The following EDAR variants were observed in gnomAD, a reference collection of about 807,000 sequenced individuals.
EDAR encodes ectodysplasin A receptor.
Under a neutral mutation model 51.3 loss-of-function variants are expected in EDAR, and 38 were observed. The ratio of observed to expected loss-of-function variants is 0.74; its 90% CI spans 0.57 to 0.97. The LOEUF (loss-of-function observed/expected upper bound fraction) is 0.97. EDAR is among the 50% of genes least tolerant of loss of function. The pLI, the probability that EDAR is intolerant of heterozygous loss-of-function variation, is 0.00. For missense variants in EDAR, 528 were observed against 595.0 expected, an observed-to-expected ratio of 0.89 and a Z score of 1.17; for synonymous variants, 227 against 242.1, an observed-to-expected ratio of 0.94 and a Z score of 0.58.
chr2:108,907,318 A>C (rs1427785964), intron 10 of EDAR, among the ~76,000 whole-genome samples: 1 of 151,852 alleles, frequency 6.6e-6, no homozygotes, highest in Admixed American at 6.6e-5. Flanking sequence ...CTCCTTGCTT[A>C]TTATTTTTCG....
At chr2:108,941,157 A>G (rs372769051) in intron 1 of EDAR, among the ~76,000 whole-genome samples, 19 of 152,328 alleles carry the variant, frequency 1.2e-4, no homozygotes, top group Admixed American at 2.0e-4. Context: ...GCGTTGTGGG[A>G]ATTAGGACTT....
intron 1 of EDAR, among the ~76,000 whole-genome samples, chr2:108,977,480 C>T (rs1351123847): frequency 3.3e-5 from 5 of 152,158 alleles, no homozygotes; most frequent in Non-Finnish European, 7.3e-5. Context: ...CTGTGTTCGC[C>T]AGGATGGTCT....
chr2:108,934,223 C>G (rs1697425132), intron 1 of EDAR, among the ~76,000 whole-genome samples: 2 of 152,156 alleles, frequency 1.3e-5, no homozygotes, highest in Non-Finnish European at 2.9e-5. Context: ...TACCAATTCT[C>G]TGAGAGGGTG....
In EDAR at chr2:108,928,971, C is replaced by A. The variant is rs899260; in HGVS notation, c.356+227G>T. Among the ~76,000 whole-genome samples the A allele has an allele frequency of 4.7e-3, 723 of 152,292 alleles. 6 individuals carry two copies. The highest frequency in any genetic ancestry group is 0.016 in the African/African-American group (673 of 41,558). ...CAGAAGATATTATGATGGTTAATGG[C>A]CACTTAGGAGACACAGAGGCAGAGC... On this transcript the variant is annotated intron_variant, in intron 4 of 11. Coordinates refer to ENST00000258443, the MANE Select transcript of EDAR (RefSeq NM_022336.4).
At chr2:108,929,106 C>T in intron 4 of EDAR, 92 bp downstream of exon 4, 1 of 1,457,306 alleles carries the variant, frequency 6.9e-7, no homozygotes, top group Non-Finnish European at 9.5e-7. Context: ...CCTGCAGTAT[C>T]CATGACCCCT....
intron 11 of EDAR, among the ~76,000 whole-genome samples, chr2:108,898,974 GGAGAGGAGAA>G (rs1696652528): frequency 6.6e-6 from 1 of 152,142 alleles, no homozygotes; most frequent in South Asian, 2.1e-4. Context: ...AGTTTCAGAA[GGAGAGGAGAA>G]GAGAGTGGGA....
chr2:108,912,051 C>T (rs570843475), intron 6 of EDAR, among the ~76,000 whole-genome samples: 24 of 152,212 alleles, frequency 1.6e-4, no homozygotes, highest in Admixed American at 1.0e-3. Context: ...TGCGTTAGCG[C>T]GTGGGAGGCC....
chr2:108,963,457 T>TCA lies in EDAR; in HGVS notation c.-19+25501_-19+25502dup, dbSNP rs202241712. The stretch of plus-strand genomic sequence containing the variant: ...TTGAGCTTTCTATTTGAAAGTGGAT[T>TCA]CACGTGCACTTGTAAGAGATAATAC... On this transcript the variant is annotated intron_variant, in intron 1 of 11. Coordinates refer to ENST00000258443, the MANE Select transcript of EDAR (RefSeq NM_022336.4). Among the ~76,000 whole-genome samples, 4 of 152,284 alleles carry TCA rather than the reference T, an allele frequency of 2.6e-5. No homozygotes were observed. The East Asian group carries it at 7.7e-4, about 29-fold the overall frequency.
At chr2:108,979,425 TC>T (rs1698383442) in intron 1 of EDAR, among the ~76,000 whole-genome samples, 1 of 35,930 alleles carries the variant, frequency 2.8e-5, no homozygotes, top group African/African-American at 7.2e-5. Context: ...GGTTGCTGTC[TC>T]TCTCTCTCTT....
chr2:108,911,084 G>A lies in EDAR; in HGVS notation c.530-12C>T, dbSNP rs760820677. 1 of 1,613,946 alleles carries A rather than the reference G, an allele frequency of 6.2e-7. No homozygotes were observed. The highest frequency in any genetic ancestry group is 1.3e-5 in the African/African-American group (1 of 74,926). Reference sequence around the variant, plus strand: ...TTGGCCTGAGAGTTCTGTGGGTGGAGAGAAGGCATGAATGACCCAGAGCTC... The same window carrying A: ...TTGGCCTGAGAGTTCTGTGGGTGGAAAGAAGGCATGAATGACCCAGAGCTC... On this transcript the variant is annotated splice_polypyrimidine_tract_variant and intron_variant, in intron 6 of 11. Transcript: ENST00000258443.
At chr2:108,930,505 C>T (rs1168675534) in intron 2 of EDAR, among the ~76,000 whole-genome samples, 1 of 152,158 alleles carries the variant, frequency 6.6e-6, no homozygotes, top group Non-Finnish European at 1.5e-5. Flanking sequence ...ACCATCAAGG[C>T]CTGCTCTGAG....
intron 1 of EDAR, among the ~76,000 whole-genome samples, chr2:108,942,421 G>T (rs1391711883): frequency 6.6e-6 from 1 of 152,216 alleles, no homozygotes; most frequent in African/African-American, 2.4e-5. Context: ...CGAGTCAAGG[G>T]GCCTGGGCGT....
At chr2:108,897,889 G>A (rs1202724808) in intron 11 of EDAR, among the ~76,000 whole-genome samples, 1 of 152,170 alleles carries the variant, frequency 6.6e-6, no homozygotes, top group African/African-American at 2.4e-5. Flanking sequence ...CTGAAAAGTG[G>A]AGAAAAGAAG....
At chr2:108,933,695 G>A (rs756438501) in intron 1 of EDAR, among the ~76,000 whole-genome samples, 6 of 152,200 alleles carry the variant, frequency 3.9e-5, no homozygotes, top group Admixed American at 6.5e-5. Flanking sequence ...TGAGGAGCCA[G>A]CCACCCCAGT....
At chr2:108,955,177 T>A (rs1697895685) in intron 1 of EDAR, among the ~76,000 whole-genome samples, 2 of 152,312 alleles carry the variant, frequency 1.3e-5, no homozygotes, top group East Asian at 1.9e-4. Flanking sequence ...GCAAGTAATC[T>A]AAATGTCTGT....
rs150028764 is a variant in EDAR at position 108,906,316 on chromosome 2, A to G, written c.1016T>C (p.Val339Ala). ...CTTTTTTTTCAGCTTACCTTCCACG[A>G]CTCCACACACGTTGGCATACACATC... is the stretch of plus-strand genomic sequence containing the variant. ...ILDVYANVCG[V>A]VEGLSPTELP... is the part of the protein sequence containing the mutation. Residue 339 changes from valine to alanine, a missense_variant, in exon 11 of 12, where the codon GTC (valine) becomes GCC (alanine). Physicochemically the swap from Val to Ala is moderately conservative, Grantham distance 64. Coordinates refer to ENST00000258443, the MANE Select transcript of EDAR (RefSeq NM_022336.4). 6.2e-6 allele frequency: 10 copies of G among 1,612,992 alleles called. No individual in the cohort carries two copies. The African/African-American group carries it at 9.4e-5, about 15-fold the overall frequency.
At chr2:108,920,936 T>A (rs1318060055) in intron 5 of EDAR, among the ~76,000 whole-genome samples, 1 of 152,002 alleles carries the variant, frequency 6.6e-6, no homozygotes, top group African/African-American at 2.4e-5. Flanking sequence ...AGATAACTCG[T>A]CTAACTCAGG....
At chr2:108,908,843 T>C (rs930508402) in intron 9 of EDAR, among the ~76,000 whole-genome samples, 1 of 152,176 alleles carries the variant, frequency 6.6e-6, no homozygotes, top group Admixed American at 6.5e-5. Flanking sequence ...GTGAAGCCCA[T>C]ATGCAAACAC....
chr2:108,953,871 A>G (rs904077811), intron 1 of EDAR, among the ~76,000 whole-genome samples: 1 of 152,206 alleles, frequency 6.6e-6, no homozygotes, highest in Non-Finnish European at 1.5e-5. Context: ...GTGAAGTTGA[A>G]CCAGACAGGT....
Sources: gnomAD v4.1 joint callset for allele counts (sites outside exome capture counted in the v4.1 genomes callset) on GRCh38, gnomAD v4.1.1 for gene constraint, MANE v1.5 for transcripts, NCBI Gene and HGNC (gene_info 2026-07-23, HGNC 2026-07-21) for gene names.